The following KAZN variants were observed in gnomAD, a reference collection of about 807,000 sequenced individuals.
KAZN encodes kazrin, periplakin interacting protein.
Under a neutral mutation model 87.4 loss-of-function variants are expected in KAZN, and 40 were observed. The ratio of observed to expected loss-of-function variants is 0.46; its 90% confidence interval spans 0.36 to 0.60. KAZN has a LOEUF of 0.60. Among genes scored for constraint, KAZN ranks in the 20% least tolerant of loss-of-function variants. The pLI is 0.00. For synonymous variants in KAZN, 466 were observed against 458.3 expected (o/e 1.02, Z -0.22); for missense variants, 898 against 1,073.9 (o/e 0.84, Z 2.29).
At chr1:14,649,694 T>G (rs1055212392) in intron 1 of KAZN, among the ~76,000 whole-genome samples, 6 of 152,150 alleles carry the variant, frequency 3.9e-5, no homozygotes, top group African/African-American at 1.4e-4. Context: ...CCTCCCAGTG[T>G]GTGGTTTAGA....
At chr1:14,236,116 T>G (rs1571100412) in intron 2 of KAZN, among the ~76,000 whole-genome samples, 1 of 46,262 alleles carries the variant, frequency 2.2e-5, no homozygotes. Context: ...TTAATGATAT[T>G]TTCTTCAGAT....
chr1:14,755,567 C>T (rs12086692), intron 1 of KAZN, among the ~76,000 whole-genome samples: 11,948 of 152,182 alleles, frequency 0.079, 590 homozygotes, highest in East Asian at 0.15. Context: ...AAGGTCTCAG[C>T]GCTGATTCCC....
At chr1:14,364,260 A>C (rs1189328393) in intron 2 of KAZN, among the ~76,000 whole-genome samples, 1 of 152,132 alleles carries the variant, frequency 6.6e-6, no homozygotes, top group Non-Finnish European at 1.5e-5. Flanking sequence ...CACTGGGTTA[A>C]AACTCCCTCT....
chr1:14,397,452 C>T (rs912189488), intron 2 of KAZN, among the ~76,000 whole-genome samples: 1 of 152,060 alleles, frequency 6.6e-6, no homozygotes, highest in Admixed American at 6.5e-5. Context: ...CCCCATTTAC[C>T]CCCATTTCAC....
intron 2 of KAZN, among the ~76,000 whole-genome samples, chr1:14,525,483 C>T (rs1330478334): frequency 2.0e-5 from 3 of 152,178 alleles, no homozygotes; most frequent in African/African-American, 4.8e-5. Flanking sequence ...TCCGATAAAA[C>T]TTTATTTATG....
At chr1:14,149,049 G>GCCTT (rs1553135559) in intron 1 of KAZN, among the ~76,000 whole-genome samples, 3 of 136,118 alleles carry the variant, frequency 2.2e-5, no homozygotes, top group African/African-American at 8.5e-5. Context: ...CTGCCTGCCT[G>GCCTT]CCTGCCTTCC....
chr1:14,354,185 A>G (rs1459860508), intron 2 of KAZN, among the ~76,000 whole-genome samples: 1 of 152,246 alleles, frequency 6.6e-6, no homozygotes, highest in East Asian at 1.9e-4. Context: ...AAAAAACTGC[A>G]TTAAAAAAAG....
At chr1:14,461,412 T>C (rs1347384379) in intron 2 of KAZN, among the ~76,000 whole-genome samples, 1 of 152,194 alleles carries the variant, frequency 6.6e-6, no homozygotes, top group Non-Finnish European at 1.5e-5. Context: ...CCCCTTTCAC[T>C]TGGCTCTCAT....
At chr1:14,626,072 T>C (rs1051371981) in intron 1 of KAZN, among the ~76,000 whole-genome samples, 6 of 152,212 alleles carry the variant, frequency 3.9e-5, no homozygotes, top group Non-Finnish European at 7.3e-5. Context: ...GAGAATTCCT[T>C]CCTTCGTTCT....
intron 2 of KAZN, among the ~76,000 whole-genome samples, chr1:14,419,134 G>A (rs1160728278): frequency 6.6e-6 from 1 of 152,146 alleles, no homozygotes; most frequent in Non-Finnish European, 1.5e-5. Flanking sequence ...TCTTTACAAA[G>A]GAACTTCTAT....
chr1:14,158,701 A>G (rs1319288421), intron 1 of KAZN, among the ~76,000 whole-genome samples: 1 of 152,042 alleles, frequency 6.6e-6, no homozygotes, highest in Non-Finnish European at 1.5e-5. Flanking sequence ...TTAGGTATTT[A>G]TACATTATTG....
chr1:14,090,370 A>G (rs1643947344), intron 1 of KAZN, among the ~76,000 whole-genome samples: 1 of 151,678 alleles, frequency 6.6e-6, no homozygotes, highest in Non-Finnish European at 1.5e-5. Context: ...CAAGTTCACT[A>G]ATTTTTCTCT....
intron 2 of KAZN, among the ~76,000 whole-genome samples, chr1:14,445,474 G>A (rs1666935896): frequency 6.6e-6 from 1 of 152,212 alleles, no homozygotes; most frequent in Admixed American, 6.5e-5. Context: ...GAAACTGGGA[G>A]AGAGGCTGGA....
chr1:14,118,659 A>G (rs74057076), intron 1 of KAZN, among the ~76,000 whole-genome samples: 18,483 of 152,218 alleles, frequency 0.12, 1,374 homozygotes, highest in African/African-American at 0.19. Context: ...TGTTCACCGA[A>G]GAGATCTCAG....
rs866718664 is a variant in KAZN, at chr1:15,050,478, C to G, written c.727-5613C>G. 7.9e-5 allele frequency among the ~76,000 whole-genome samples: 12 copies of G among 152,306 alleles called. No homozygotes were observed. The South Asian group carries it at 1.5e-3, about 18-fold the overall frequency. On this transcript the variant is annotated intron_variant, in intron 4 of 14. Transcript: ENST00000376030. ...TGTAAAAACGACAGCCACCACAGGC[C>G]CAGACGAGAGGCAGGGACTGTGAGG... is the stretch of plus-strand genomic sequence containing the variant.
chr1:14,305,008 T>C (rs1203806816), intron 2 of KAZN, among the ~76,000 whole-genome samples: 1 of 152,096 alleles, frequency 6.6e-6, no homozygotes, highest in East Asian at 1.9e-4. Flanking sequence ...AGGATTCTCA[T>C]TTTAAAAAAT....
At chr1:14,494,213 A>C (rs1669823687) in intron 2 of KAZN, among the ~76,000 whole-genome samples, 2 of 152,194 alleles carry the variant, frequency 1.3e-5, no homozygotes, top group Admixed American at 1.3e-4. Flanking sequence ...AGATGATAGA[A>C]TCAAATGGGG....
At chr1:14,272,795 T>G (rs1335491113) in intron 2 of KAZN, among the ~76,000 whole-genome samples, 3 of 151,904 alleles carry the variant, frequency 2.0e-5, no homozygotes, top group Admixed American at 2.0e-4. Context: ...GAGGTGGAGG[T>G]TGCAGTGAGC....
intron 1 of KAZN, among the ~76,000 whole-genome samples, chr1:14,944,548 C>T (rs756216589): frequency 1.3e-5 from 2 of 152,266 alleles, no homozygotes; most frequent in South Asian, 2.1e-4. Context: ...CCCAGAGAGG[C>T]GGTCTCCAGT....
Sources: gnomAD v4.1 joint callset for allele counts (sites outside exome capture counted in the v4.1 genomes callset) on GRCh38, gnomAD v4.1.1 for gene constraint, MANE v1.5 for transcripts, NCBI Gene and HGNC (gene_info 2026-07-23, HGNC 2026-07-21) for gene names.